Variants in PRKG1 observed in about 807,000 individuals in gnomAD.
The protein encoded by PRKG1 is protein kinase cGMP-dependent 1.
A neutral mutation model predicts 88.1 loss-of-function variants in PRKG1; 35 were observed. The ratio of observed to expected loss-of-function variants is 0.40; its 90% CI spans 0.30 to 0.53. The LOEUF is 0.53. Among genes scored for constraint, PRKG1 ranks in the 20% least tolerant of loss-of-function variants. The pLI, the probability that PRKG1 is intolerant of heterozygous loss-of-function variation, is 0.59. For missense variants in PRKG1, 540 were observed against 839.8 expected, an observed-to-expected ratio of 0.64 and a Z score of 4.41; for synonymous variants, 303 against 292.5, an observed-to-expected ratio of 1.04 and a Z score of -0.37.
At chr10:51,130,838 G>T (rs984802611) in intron 1 of PRKG1, among the ~76,000 whole-genome samples, 4 of 151,984 alleles carry the variant, frequency 2.6e-5, no homozygotes, top group Admixed American at 6.6e-5. Context: ...GGAGGCAGAG[G>T]TTGCAGTGAG....
chr10:51,283,455 G>A (rs544633450), intron 2 of PRKG1, among the ~76,000 whole-genome samples: 38 of 152,188 alleles, frequency 2.5e-4, no homozygotes, highest in Middle Eastern at 3.4e-3. Context: ...TTTGAAAGCA[G>A]TAAAACATGT....
intron 2 of PRKG1, among the ~76,000 whole-genome samples, chr10:51,228,757 G>C (rs1246577269): frequency 1.3e-5 from 2 of 152,160 alleles, no homozygotes; most frequent in Non-Finnish European, 2.9e-5. Flanking sequence ...ATTTTCCTCT[G>C]TGCTGCCACA....
intron 8 of PRKG1, among the ~76,000 whole-genome samples, chr10:52,148,065 G>A (rs2132661666): frequency 6.6e-6 from 1 of 152,270 alleles, no homozygotes; most frequent in South Asian, 2.1e-4. Context: ...TTAAATCAGT[G>A]TACTATGTAA....
chr10:52,146,794 T>C (rs10762590), intron 8 of PRKG1, among the ~76,000 whole-genome samples: 11,948 of 152,160 alleles, frequency 0.079, 760 homozygotes, highest in East Asian at 0.35. Context: ...AAATATGCAG[T>C]ATTAGAATTA....
At chr10:51,518,658 G>A (rs1353254650) in intron 3 of PRKG1, among the ~76,000 whole-genome samples, 1 of 152,200 alleles carries the variant, frequency 6.6e-6, no homozygotes, top group Admixed American at 6.5e-5. Context: ...GTAGGGCAAT[G>A]AGCTTAAAAT....
intron 14 of PRKG1, among the ~76,000 whole-genome samples, chr10:52,283,738 A>G (rs983488683): frequency 2.0e-5 from 3 of 152,094 alleles, no homozygotes; most frequent in African/African-American, 7.2e-5. Flanking sequence ...AAATTTGGAC[A>G]AAGTAGAAGG....
intron 1 of PRKG1, among the ~76,000 whole-genome samples, chr10:51,115,270 G>T (rs1845087675): frequency 7.5e-6 from 1 of 133,920 alleles, no homozygotes; most frequent in Admixed American, 7.6e-5. Flanking sequence ...GCTGAGATCA[G>T]GCCATGGCAC....
rs1422284742 is a variant in PRKG1, at chr10:51,019,032, A to T, written c.266+27388A>T. On this transcript the variant is annotated intron_variant, in intron 1 of 17. Coordinates refer to the PRKG1 transcript ENST00000401604. ...TTTGCTGGTGAAAAGACTGGGAATT[A>T]GCGACCTGCAGTCTTACCCTTTCTG... 4.6e-5 allele frequency among the ~76,000 whole-genome samples: 7 copies of T among 152,212 alleles called. 1 individual carries two copies. The highest frequency in any genetic ancestry group is 1.7e-4 in the African/African-American group (7 of 41,470).
At chr10:51,656,083 A>G (rs1176674458) in intron 3 of PRKG1, among the ~76,000 whole-genome samples, 1 of 152,174 alleles carries the variant, frequency 6.6e-6, no homozygotes, top group Non-Finnish European at 1.5e-5. Flanking sequence ...GTACAAGAAA[A>G]GAACAGCTAT....
At chr10:51,926,725 C>T (rs1842585781) in intron 5 of PRKG1, among the ~76,000 whole-genome samples, 1 of 149,308 alleles carries the variant, frequency 6.7e-6, no homozygotes, top group South Asian at 2.1e-4. Flanking sequence ...GGCTTATTTT[C>T]TCTGAAAATT....
chr10:52,180,834 T>G (rs1257480107), intron 9 of PRKG1, among the ~76,000 whole-genome samples: 1 of 152,050 alleles, frequency 6.6e-6, no homozygotes, highest in African/African-American at 2.4e-5. Context: ...TTACTCTGGC[T>G]GGGGGCATGG....
At chr10:51,142,175 A>G (rs1468528737) in intron 1 of PRKG1, among the ~76,000 whole-genome samples, 3 of 152,156 alleles carry the variant, frequency 2.0e-5, no homozygotes, top group African/African-American at 4.8e-5. Flanking sequence ...AAATGTGAAC[A>G]TGCTGGAATC....
chr10:52,146,030 G>C (rs905221799), intron 8 of PRKG1, among the ~76,000 whole-genome samples: 1 of 152,144 alleles, frequency 6.6e-6, no homozygotes, highest in East Asian at 1.9e-4. Flanking sequence ...ATCATGATTT[G>C]CCTTTAATAG....
At chr10:51,284,765 G>A (rs1840389583) in intron 2 of PRKG1, among the ~76,000 whole-genome samples, 2 of 147,180 alleles carry the variant, frequency 1.4e-5, no homozygotes, top group African/African-American at 5.0e-5. Context: ...GCAGGGCCAT[G>A]TTTATATATA....
chr10:51,957,189 C>G (rs1303791292), intron 5 of PRKG1, among the ~76,000 whole-genome samples: 1 of 147,006 alleles, frequency 6.8e-6, no homozygotes, highest in African/African-American at 2.5e-5. Flanking sequence ...CTTCCTTCCT[C>G]CCTCCTTTCC....
At chr10:51,670,741 A>AAAAAAAAT (rs765386389) in intron 3 of PRKG1, among the ~76,000 whole-genome samples, 11 of 94,580 alleles carry the variant, frequency 1.2e-4, no homozygotes, top group East Asian at 4.7e-4. Flanking sequence ...GTCTCAAAAA[A>AAAAAAAAT]AAATAAATAA....
chr10:52,223,987 A>C (rs1840316130), intron 9 of PRKG1, among the ~76,000 whole-genome samples: 1 of 152,104 alleles, frequency 6.6e-6, no homozygotes, highest in African/African-American at 2.4e-5. Flanking sequence ...ACTTATCTTC[A>C]TATTTCTGCC....
At chr10:52,094,457 C>T (rs553398890) in intron 7 of PRKG1, among the ~76,000 whole-genome samples, 9 of 152,086 alleles carry the variant, frequency 5.9e-5, no homozygotes, top group Admixed American at 1.3e-4. Flanking sequence ...TATATAAACC[C>T]ATTATTTCAT....
intron 2 of PRKG1, among the ~76,000 whole-genome samples, chr10:51,355,520 A>T (rs924514059): frequency 6.6e-6 from 1 of 152,074 alleles, no homozygotes; most frequent in Non-Finnish European, 1.5e-5. Flanking sequence ...CATTAACCAG[A>T]GAAAAGCTTT....
Sources: gnomAD v4.1 joint callset for allele counts (sites outside exome capture counted in the v4.1 genomes callset) on GRCh38, gnomAD v4.1.1 for gene constraint, MANE v1.5 for transcripts, NCBI Gene and HGNC (gene_info 2026-07-23, HGNC 2026-07-21) for gene names.